TENM4: variants seen among roughly 807,000 people sequenced by gnomAD.
The protein encoded by TENM4 is teneurin-4.
Under a neutral mutation model 243.3 loss-of-function variants are expected in TENM4, and 82 were observed. The observed-to-expected ratio is 0.34, with a 90% CI of 0.28 to 0.40. TENM4 has a LOEUF of 0.40. Among genes scored for constraint, TENM4 ranks in the 10% least tolerant of loss-of-function variants. The pLI, the probability that TENM4 is intolerant of heterozygous loss-of-function variation, is 1.00. For missense variants in TENM4, 3,138 were observed against 3,673.3 expected (o/e 0.85, Z 3.77); for synonymous variants, 1,412 against 1,456.3 (o/e 0.97, Z 0.69).
intron 2 of TENM4, among the ~76,000 whole-genome samples, chr11:79,294,067 C>T (rs913553613): frequency 1.3e-5 from 2 of 152,210 alleles, no homozygotes; most frequent in Admixed American, 6.5e-5. Flanking sequence ...CTCTTTGTCC[C>T]AGAGAGAGCA....
At chr11:78,920,453 G>A (rs904188509) in intron 6 of TENM4, among the ~76,000 whole-genome samples, 7 of 152,224 alleles carry the variant, frequency 4.6e-5, no homozygotes, top group African/African-American at 1.2e-4. Context: ...GGAAATGGGA[G>A]CAGCTGCACC....
At chr11:79,023,323 G>A (rs1858983597) in intron 6 of TENM4, among the ~76,000 whole-genome samples, 1 of 152,136 alleles carries the variant, frequency 6.6e-6, no homozygotes, top group Non-Finnish European at 1.5e-5. Flanking sequence ...ACTTTGGGAG[G>A]CTGAGGTGGG....
intron 6 of TENM4, among the ~76,000 whole-genome samples, chr11:78,977,444 A>T (rs557152527): frequency 4.7e-4 from 72 of 152,384 alleles, no homozygotes; most frequent in Non-Finnish European, 9.0e-4. Flanking sequence ...ACAGATGAAT[A>T]CATTGAGGCA....
intron 1 of TENM4, among the ~76,000 whole-genome samples, chr11:79,339,925 C>T (rs13377471): frequency 0.17 from 26,302 of 151,984 alleles, 2,360 homozygotes; most frequent in Non-Finnish European, 0.19. Flanking sequence ...GCAGACCAGG[C>T]ATGGGTGGGG....
chr11:78,849,415 T>G (rs946789191), intron 12 of TENM4, among the ~76,000 whole-genome samples: 5 of 152,214 alleles, frequency 3.3e-5, no homozygotes, highest in Non-Finnish European at 5.9e-5. Context: ...TGTGGTATTG[T>G]GGGGACCTTA....
At chr11:79,281,564 C>A (rs993199638) in intron 2 of TENM4, among the ~76,000 whole-genome samples, 1 of 152,116 alleles carries the variant, frequency 6.6e-6, no homozygotes, top group Non-Finnish European at 1.5e-5. Context: ...TAGTCAAGAT[C>A]AGAATTAAAA....
intron 1 of TENM4, among the ~76,000 whole-genome samples, chr11:79,378,849 C>T (rs1432437458): frequency 6.8e-6 from 1 of 146,698 alleles, no homozygotes; most frequent in Non-Finnish European, 1.5e-5. Context: ...CACCAATGCA[C>T]TCCAGCCTGG....
chr11:79,416,899 A>G (rs2135582366), intron 1 of TENM4, among the ~76,000 whole-genome samples: 1 of 152,192 alleles, frequency 6.6e-6, no homozygotes, highest in East Asian at 1.9e-4. Flanking sequence ...AAAAAAAAAG[A>G]CAGACACTAC....
rs932482815 is a variant in TENM4, at chr11:78,848,020, G to C, written c.1681+6084C>G. 3.9e-5 allele frequency among the ~76,000 whole-genome samples: 6 copies of C among 152,274 alleles called. No individual in the cohort carries two copies. In the East Asian group the frequency reaches 9.6e-4, roughly 24 times the overall value. ...CAATTTTGGTGACTCTTGGAAGATA[G>C]GAACTTAGGTGAAGTATCGAGGCAT... On this transcript the variant is annotated intron_variant, in intron 12 of 33. Transcript: ENST00000278550.
At chr11:78,774,145 A>C (rs759265718) in intron 17 of TENM4, among the ~76,000 whole-genome samples, 7 of 152,252 alleles carry the variant, frequency 4.6e-5, no homozygotes, top group Admixed American at 1.3e-4. Flanking sequence ...TGAGAGTATT[A>C]AATGAGATAA....
chr11:78,964,036 CTTTTT>C (rs1002218964), intron 6 of TENM4, among the ~76,000 whole-genome samples: 1 of 109,398 alleles, frequency 9.1e-6, no homozygotes, highest in Non-Finnish European at 1.8e-5. Flanking sequence ...CACACCCAGA[CTTTTT>C]TTTTTTTTTT....
chr11:78,833,082 T>C (rs1858019768), intron 12 of TENM4, among the ~76,000 whole-genome samples: 1 of 152,246 alleles, frequency 6.6e-6, no homozygotes, highest in South Asian at 2.1e-4. Context: ...CTGCCTCCAA[T>C]GCACATTCTT....
In TENM4 at chr11:78,891,285, C is replaced by T; in HGVS notation, c.801G>A (p.Glu267=). ...FLGTLQDNLI[E]MDILGASRHD... ...GGCGGGAGGCGCCGAGAATGTCCAT[C>T]TCAATGAGGTTGTCCTGCAATGTCC... is the stretch of plus-strand genomic sequence containing the variant. Residue 267 remains glutamate (E), a synonymous_variant, in exon 8 of 34, where the codon GAG becomes GAA. Coordinates refer to ENST00000278550, the MANE Select transcript of TENM4 (RefSeq NM_001098816.3). The T allele has an allele frequency of 6.4e-7, 1 of 1,551,732 alleles. No individual in the cohort carries two copies. Among genetic ancestry groups the T allele is most frequent in the South Asian group, 1.2e-5 (1 of 84,062 alleles).
intron 1 of TENM4, among the ~76,000 whole-genome samples, chr11:79,385,004 G>GA: frequency 7.6e-6 from 1 of 131,376 alleles, no homozygotes; most frequent in Middle Eastern, 4.2e-3. Context: ...ACCCTTTCAT[G>GA]AAAAATCACT....
chr11:79,315,130 G>C (rs951397591), intron 1 of TENM4, among the ~76,000 whole-genome samples: 7 of 152,294 alleles, frequency 4.6e-5, no homozygotes, highest in Non-Finnish European at 8.8e-5. Flanking sequence ...AAGGATCTGC[G>C]AGAAGGGCAT....
intron 1 of TENM4, among the ~76,000 whole-genome samples, chr11:79,300,525 A>G (rs544413736): frequency 1.3e-5 from 2 of 152,340 alleles, no homozygotes; most frequent in East Asian, 3.9e-4. Context: ...AAAAAATTAT[A>G]GCTGCTCCTC....
intron 18 of TENM4, 73 bp from the exon 19 acceptor site, chr11:78,757,094 T>A (rs1329387997): frequency 7.0e-7 from 1 of 1,420,768 alleles, no homozygotes; most frequent in African/African-American, 1.4e-5. Context: ...ATGCCTTAAT[T>A]CATTTCTTCT....
At position 78,712,548 on chromosome 11, in the gene TENM4, G is replaced by C. The variant is rs1359598622; in HGVS notation, c.3988C>G (p.Pro1330Ala). The change falls in exon 26 of 34, where the codon CCC becomes GCC. Residue 1330 changes from proline (P) to alanine (A), a missense_variant. Around this residue, in one of 2 missense-constraint regions of TENM4, gnomAD observed 2,467 missense variants for 3,059.1 expected, o/e 0.81. Coordinates refer to ENST00000278550, the MANE Select transcript of TENM4 (RefSeq NM_001098816.3). Reference protein sequence around the residue: ...VVAGTGDQCLPFDDTRCGDGG... With the variant: ...VVAGTGDQCLAFDDTRCGDGG... Reference sequence around the variant, plus strand: ...TCCCCGCAGCGAGTGTCATCAAAGGGGAGGCACTGGTCACCTGTCCCCGCA... The same window carrying C: ...TCCCCGCAGCGAGTGTCATCAAAGGCGAGGCACTGGTCACCTGTCCCCGCA... 6.2e-7 allele frequency: 1 copy of C among 1,613,970 alleles called. No homozygotes were observed. Among genetic ancestry groups the C allele is most frequent in the African/African-American group, 1.3e-5 (1 of 75,022 alleles).
intron 6 of TENM4, among the ~76,000 whole-genome samples, chr11:79,007,573 G>A (rs754214384): frequency 5.3e-5 from 8 of 152,090 alleles, no homozygotes; most frequent in South Asian, 4.2e-4. Context: ...AAGAGGCTGC[G>A]GAGACCCTTT....
Sources: gnomAD v4.1 joint callset for allele counts (sites outside exome capture counted in the v4.1 genomes callset) on GRCh38, gnomAD v4.1.1 for gene constraint, gnomAD v4.1.1 regional missense constraint, MANE v1.5 for transcripts, NCBI Gene and HGNC (gene_info 2026-07-23, HGNC 2026-07-21) for gene names.